PDE3A: variants seen among roughly 807,000 people sequenced by gnomAD.
PDE3A encodes cGMP-inhibited 3',5'-cyclic phosphodiesterase 3A.
Under a neutral mutation model 98.3 loss-of-function variants are expected in PDE3A, and 43 were observed. The ratio of observed to expected loss-of-function variants is 0.44; its 90% CI spans 0.34 to 0.56. PDE3A has a LOEUF of 0.56. Ranked by LOEUF, PDE3A falls within the 20% of genes least tolerant of loss-of-function variation. The probability of loss-of-function intolerance (pLI) is 0.01; values close to 1 mark genes in which losing one functional copy is unlikely to be tolerated. For synonymous variants in PDE3A, 663 were observed against 567.9 expected (o/e 1.17, Z -2.38); for missense variants, 1,427 against 1,440.7 (o/e 0.99, Z 0.15).
intron 1 of PDE3A, among the ~76,000 whole-genome samples, chr12:20,518,077 A>G (rs917797957): frequency 6.6e-6 from 1 of 152,158 alleles, no homozygotes; most frequent in Non-Finnish European, 1.5e-5. Flanking sequence ...CCTATGTACT[A>G]TTTGAATATC....
In PDE3A at chr12:20,667,999, C is replaced by A. The variant is rs532123205; in HGVS notation, c.3185-12031C>A. Reference sequence around the variant, plus strand: ...CAGGTCAGTGGGTGCGCGCACCGTGCGCGAGCCAAAGCAGGGCGAGGCATT... The same window carrying A: ...CAGGTCAGTGGGTGCGCGCACCGTGAGCGAGCCAAAGCAGGGCGAGGCATT... On this transcript the variant is annotated intron_variant, in intron 15 of 15. Coordinates refer to ENST00000359062, the MANE Select transcript of PDE3A (RefSeq NM_000921.5). 7.2e-5 allele frequency among the ~76,000 whole-genome samples: 11 copies of A among 152,170 alleles called. No homozygotes were observed. The South Asian group carries it at 2.3e-3, about 32-fold the overall frequency.
intron 1 of PDE3A, among the ~76,000 whole-genome samples, chr12:20,517,708 T>C (rs1049980940): frequency 6.6e-6 from 1 of 152,164 alleles, no homozygotes; most frequent in African/African-American, 2.4e-5. Flanking sequence ...ATCTTAAATA[T>C]CAGGTTTTCC....
chr12:20,620,801 C>G (rs1944114270), intron 4 of PDE3A, among the ~76,000 whole-genome samples: 2 of 140,408 alleles, frequency 1.4e-5, no homozygotes, highest in Non-Finnish European at 3.1e-5. Context: ...TCATTTCCGT[C>G]ACAAGGAAAT....
At chr12:20,596,634 T>C (rs2121394309) in intron 2 of PDE3A, among the ~76,000 whole-genome samples, 1 of 152,294 alleles carries the variant, frequency 6.6e-6, no homozygotes, top group African/African-American at 2.4e-5. Context: ...GCAAACCATA[T>C]GAACGATCTG....
At chr12:20,521,765 C>T (rs1021775806) in intron 1 of PDE3A, among the ~76,000 whole-genome samples, 1 of 151,906 alleles carries the variant, frequency 6.6e-6, no homozygotes, top group Admixed American at 6.6e-5. Context: ...AAGAAGAGAC[C>T]CCGAGCCAAC....
At chr12:20,517,521 T>C (rs1371371410) in intron 1 of PDE3A, among the ~76,000 whole-genome samples, 2 of 152,226 alleles carry the variant, frequency 1.3e-5, no homozygotes, top group African/African-American at 4.8e-5. Context: ...TAAGCTTCTT[T>C]ATAAAATTTC....
chr12:20,602,008 G>C (rs1943605077), intron 2 of PDE3A, among the ~76,000 whole-genome samples: 1 of 152,186 alleles, frequency 6.6e-6, no homozygotes, highest in Non-Finnish European at 1.5e-5. Flanking sequence ...ACTTATTTCA[G>C]AGATTCTTAG....
chr12:20,444,678 A>G (rs980215195), intron 1 of PDE3A, among the ~76,000 whole-genome samples: 2 of 152,208 alleles, frequency 1.3e-5, no homozygotes, highest in Non-Finnish European at 2.9e-5. Flanking sequence ...TCTGATCTGA[A>G]CAAGCCAGGA....
chr12:20,393,804 C>T (rs572775687), intron 1 of PDE3A, among the ~76,000 whole-genome samples: 41 of 152,156 alleles, frequency 2.7e-4, no homozygotes, highest in African/African-American at 9.4e-4. Flanking sequence ...ATGGCAGGCA[C>T]AATGGCTCTT....
In PDE3A at chr12:20,606,556, T is replaced by C. The variant is rs1264330553; in HGVS notation, c.1012-6887T>C. Among the ~76,000 whole-genome samples, 6 of 152,062 alleles carry C rather than the reference T, an allele frequency of 3.9e-5. No homozygotes were observed. The South Asian group carries it at 6.2e-4, about 16-fold the overall frequency. On this transcript the variant is annotated intron_variant, in intron 2 of 15. Transcript: ENST00000359062. ...CAATGTCAAAGTTTTTGCCCACTAG[T>C]AATAAAAATTAAAACAAATTGGCCG...
chr12:20,620,285 G>A lies in PDE3A; in HGVS notation c.1425-1011G>A, dbSNP rs1247545125. Among the ~76,000 whole-genome samples, 6 of 151,872 alleles carry A rather than the reference G, an allele frequency of 4.0e-5. No individual in the cohort carries two copies. In the East Asian group the frequency reaches 1.2e-3, roughly 29 times the overall value. Reference sequence around the variant, plus strand: ...CTGCTTACATTGCCAATCTAAGATTGGCAAAAGATCAAATTGTCAAATCAT... The same window carrying A: ...CTGCTTACATTGCCAATCTAAGATTAGCAAAAGATCAAATTGTCAAATCAT... On this transcript the variant is annotated intron_variant, in intron 4 of 15. Transcript: ENST00000359062.
chr12:20,521,517 T>C (rs569014306), intron 1 of PDE3A, among the ~76,000 whole-genome samples: 1 of 152,308 alleles, frequency 6.6e-6, no homozygotes, highest in Admixed American at 6.5e-5. Context: ...TGCCCAGATT[T>C]CCAATTTGAT....
intron 1 of PDE3A, among the ~76,000 whole-genome samples, chr12:20,510,300 A>G (rs1334273495): frequency 2.0e-5 from 3 of 152,078 alleles, no homozygotes; most frequent in Non-Finnish European, 2.9e-5. Context: ...TGAATAATGT[A>G]TATTCTTTTC....
intron 3 of PDE3A, 93 bp downstream of exon 3, chr12:20,613,793 A>T: frequency 2.2e-6 from 2 of 929,324 alleles, no homozygotes; most frequent in Non-Finnish European, 1.7e-6. Flanking sequence ...CCATCTGCAG[A>T]TTCATATCAG....
chr12:20,370,195 G>A lies in PDE3A; in HGVS notation c.911G>A (p.Ser304Asn), dbSNP rs1943440531. The change falls in exon 1 of 16, where the codon AGC (serine) becomes AAC (asparagine). Residue 304 changes from serine (S) to asparagine (N), a missense_variant. By Grantham distance (46) the Ser-to-Asn change is conservative (BLOSUM62 1). Transcript: ENST00000359062. ...GTGTCCGCCGAGATGTCCGGCTGCA[G>A]CAGCAAGTCCCATCGGAGGACCTCC... ...SVVSAEMSGC[S>N]SKSHRRTSLP... The A allele has an allele frequency of 2.5e-6, 4 of 1,608,710 alleles. No individual in the cohort carries two copies. The highest frequency in any genetic ancestry group is 3.4e-6 in the Non-Finnish European group (4 of 1,177,958).
chr12:20,413,593 C>T (rs1014448984), intron 1 of PDE3A, among the ~76,000 whole-genome samples: 13 of 152,168 alleles, frequency 8.5e-5, no homozygotes, highest in African/African-American at 2.2e-4. Flanking sequence ...ATGGAGAAAT[C>T]GTCAGTGCTG....
intron 1 of PDE3A, among the ~76,000 whole-genome samples, chr12:20,469,080 A>G (rs191174096): frequency 1.3e-5 from 2 of 152,296 alleles, no homozygotes; most frequent in African/African-American, 4.8e-5. Context: ...CTTGAGAATT[A>G]CTAAACATCA....
At chr12:20,475,461 A>G (rs1945515170) in intron 1 of PDE3A, among the ~76,000 whole-genome samples, 1 of 152,002 alleles carries the variant, frequency 6.6e-6, no homozygotes, top group African/African-American at 2.4e-5. Flanking sequence ...CATGGTGGTG[A>G]CTCATGCCTG....
chr12:20,569,171 G>A (rs1431952013), intron 2 of PDE3A, among the ~76,000 whole-genome samples: 1 of 151,780 alleles, frequency 6.6e-6, no homozygotes, highest in Non-Finnish European at 1.5e-5. Flanking sequence ...GCTAACTTTG[G>A]TAACCACATT....
Sources: allele counts gnomAD v4.1 joint callset (sites outside exome capture counted in the v4.1 genomes callset), GRCh38; gene constraint gnomAD v4.1.1; transcripts MANE v1.5; gene names NCBI Gene and HGNC (gene_info 2026-07-23, HGNC 2026-07-21).